MROH2B: variants seen among roughly 807,000 people sequenced by gnomAD.
MROH2B encodes maestro heat like repeat family member 2B.
Under a neutral mutation model 208.6 loss-of-function variants are expected in MROH2B, and 177 were observed. The ratio of observed to expected loss-of-function variants is 0.85; its 90% CI spans 0.75 to 0.96. MROH2B has a LOEUF of 0.96. Ranked by LOEUF, MROH2B falls within the 40% of genes least tolerant of loss-of-function variation. The pLI is 0.00. For missense variants in MROH2B, 2,002 were observed against 1,878.7 expected (o/e 1.07, Z -1.21); for synonymous variants, 728 against 659.0 (o/e 1.10, Z -1.60).
chr5:41,053,342 T>C (rs1387338120), intron 11 of MROH2B, among the ~76,000 whole-genome samples: 1 of 152,222 alleles, frequency 6.6e-6, no homozygotes, highest in Non-Finnish European at 1.5e-5. Context: ...TGGATTTCCA[T>C]TATGGGTTTC....
intron 24 of MROH2B, among the ~76,000 whole-genome samples, chr5:41,020,537 G>A (rs1378533583): frequency 6.6e-6 from 1 of 152,168 alleles, no homozygotes; most frequent in Non-Finnish European, 1.5e-5. Context: ...GTCATATCTT[G>A]TTCATCATTG....
In MROH2B at chr5:41,060,496, C is replaced by A. The variant is rs1030231454; in HGVS notation, c.615+1074G>T. ...TTTTTTTCTCTCTTCCCTTCTCCAT[C>A]TCCCATCACACTCACTCAGGTGTTC... On this transcript the variant is annotated intron_variant, in intron 6 of 41. Coordinates refer to ENST00000399564, the MANE Select transcript of MROH2B (RefSeq NM_173489.5). 6.6e-5 allele frequency among the ~76,000 whole-genome samples: 10 copies of A among 152,182 alleles called. 1 individual carries two copies. The highest frequency in any genetic ancestry group is 2.4e-4 in the African/African-American group (10 of 41,408).
In MROH2B at chr5:41,069,691, C is replaced by T. The variant is rs373311020; in HGVS notation, c.90G>A (p.Lys30=). 1.1e-5 allele frequency: 18 copies of T among 1,600,630 alleles called. No individual in the cohort carries two copies. Among genetic ancestry groups the T allele is most frequent in the Non-Finnish European group, 1.5e-5 (18 of 1,172,182 alleles). ...GMLNKEDIVN[K]EDIYSHLTSV... The stretch of plus-strand genomic sequence containing the variant: ...AAAGATTTTTCTCTGTTTTCCCTAC[C>T]TTGTTAACAATATCTTCCTTGTTCA... The change falls in exon 2 of 42, where the codon AAG becomes AAA. Residue 30 remains lysine (K), a splice_region_variant and synonymous_variant. Transcript: ENST00000399564.
At chr5:41,052,628 T>C in intron 11 of MROH2B, 41 bp from the exon 12 acceptor site, 1 of 1,546,024 alleles carries the variant, frequency 6.5e-7, no homozygotes, top group Non-Finnish European at 8.7e-7. Context: ...TTACTATGTT[T>C]TGCAGAAGGG....
chr5:41,017,385 G>A (rs996826286), intron 28 of MROH2B, among the ~76,000 whole-genome samples: 21 of 152,182 alleles, frequency 1.4e-4, no homozygotes, highest in African/African-American at 4.3e-4. Context: ...TTAGTACCAC[G>A]ATAATAGTGC....
In MROH2B at chr5:41,004,268, G is replaced by A. The variant is rs1309766410; in HGVS notation, c.4194+78C>T. 3.3e-6 allele frequency: 5 copies of A among 1,500,376 alleles called. No homozygotes were observed. The African/African-American group carries it at 4.2e-5, about 13-fold the overall frequency. 92.9% of individuals were successfully genotyped at this position (1,500,376 alleles called of 1,614,324 possible). ...GGAATATGGGTGGGACACTGACAAT[G>A]TCTTCTGTGAGCACTACCTAAACCT... On this transcript the variant is annotated intron_variant, in intron 37 of 41. Transcript: ENST00000399564.
At chr5:41,039,395 AG>A (rs1742871053) in intron 20 of MROH2B, 52 bp downstream of exon 20, 5 of 1,050,426 alleles carry the variant, frequency 4.8e-6, no homozygotes, top group African/African-American at 1.6e-5. Context: ...TGAAGAAATC[AG>A]GGTTGTCTGG....
rs928842708 is a variant in MROH2B at position 41,049,320 on chromosome 5, A to G, written c.1461T>C (p.Ser487=). The change falls in exon 14 of 42, where the codon AGT becomes AGC. Residue 487 remains serine, a synonymous_variant. Coordinates refer to ENST00000399564, the MANE Select transcript of MROH2B (RefSeq NM_173489.5). ...CGACAAGTGCTGTCGACTCCTTGGC[A>G]CTGTGCTGCTTCTTCTCCTCTGCCA... The part of the protein sequence containing the change: ...LIMAEEKKQH[S]AKESTALVVS... 8.7e-6 allele frequency: 14 copies of G among 1,613,546 alleles called. No individual in the cohort carries two copies. The highest frequency in any genetic ancestry group is 1.3e-5 in the African/African-American group (1 of 74,860).
At chr5:41,003,071 C>T (rs1741454542) in intron 37 of MROH2B, among the ~76,000 whole-genome samples, 1 of 151,504 alleles carries the variant, frequency 6.6e-6, no homozygotes, top group African/African-American at 2.4e-5. Flanking sequence ...AGCGATTATC[C>T]TGTCTCAGTC....
intron 6 of MROH2B, among the ~76,000 whole-genome samples, chr5:41,059,601 A>G (rs1180748325): frequency 2.0e-5 from 3 of 152,222 alleles, no homozygotes; most frequent in Non-Finnish European, 4.4e-5. Flanking sequence ...TTCTTCCACC[A>G]CACATTTCCA....
chr5:41,030,122 CA>C (rs906359090), intron 24 of MROH2B, among the ~76,000 whole-genome samples: 5 of 151,404 alleles, frequency 3.3e-5, no homozygotes, highest in African/African-American at 9.7e-5. Flanking sequence ...AACGAAACAC[CA>C]AACAACTTGA....
In MROH2B at chr5:41,016,323, G is replaced by A. The variant is rs372713078; in HGVS notation, c.2885-845C>T. On this transcript the variant is annotated intron_variant, in intron 28 of 41. Transcript: ENST00000399564. ...TGTTTCTTCCATCGGCGAAAATGTC[G>A]ATGTAAATTATAAAGTATGGGCGTT... Among the ~76,000 whole-genome samples, 266 of 152,028 alleles carry A rather than the reference G, an allele frequency of 1.7e-3. 1 individual carries two copies. Among genetic ancestry groups the A allele is most frequent in the Non-Finnish European group, 2.0e-3 (135 of 68,006 alleles).
rs201095602 is a variant in MROH2B at position 41,033,825 on chromosome 5, C to CT, written c.2241+12dup. On this transcript the variant is annotated intron_variant, in intron 22 of 41. Transcript: ENST00000399564. Reference sequence around the variant, plus strand: ...TCTATCTATCTATCTATCTATCTATCTATCTCTCCTACCTTGTTCATCACA... The same window carrying CT: ...TCTATCTATCTATCTATCTATCTATCTTATCTCTCCTACCTTGTTCATCACA... 6.9e-4 allele frequency: 1,008 copies of CT among 1,466,396 alleles called. 13 individuals carry two copies. Among genetic ancestry groups the CT allele is most frequent in the Admixed American group, 3.1e-3 (148 of 47,350 alleles). The allele number at this position is 1,466,396 out of a possible 1,614,324, so 90.8% of individuals were successfully genotyped here. A position where few individuals can be genotyped will look rare whatever the true frequency, so the allele number is the denominator to read the frequency against.
chr5:41,027,307 T>A (rs924401962), intron 24 of MROH2B, among the ~76,000 whole-genome samples: 1 of 152,036 alleles, frequency 6.6e-6, no homozygotes, highest in Non-Finnish European at 1.5e-5. Context: ...AGGGCTAATA[T>A]CCAGAATCTA....
rs1186651769 is a variant in MROH2B, at chr5:41,050,957, G to A, written c.1344+20C>T. On this transcript the variant is annotated intron_variant, in intron 13 of 41. Transcript: ENST00000399564. ...GAAGGTGATCAAAGTAACTGTAAGT[G>A]GTGACAAAAGACCACTTACCTGAGG... 1 of 1,477,962 alleles carries A rather than the reference G, an allele frequency of 6.8e-7. No homozygotes were observed. The highest frequency in any genetic ancestry group is 2.0e-5 in the Admixed American group (1 of 49,506). The allele number at this position is 1,477,962 out of a possible 1,614,324, so 91.6% of individuals were successfully genotyped here.
At chr5:41,050,161 C>CA (rs1743243760) in intron 13 of MROH2B, among the ~76,000 whole-genome samples, 3 of 152,174 alleles carry the variant, frequency 2.0e-5, no homozygotes, top group African/African-American at 7.2e-5. Flanking sequence ...TGCTCTTAGT[C>CA]TACTCATGTG....
At chr5:41,020,905 T>C (rs1446833835) in intron 24 of MROH2B, among the ~76,000 whole-genome samples, 3 of 152,210 alleles carry the variant, frequency 2.0e-5, no homozygotes, top group African/African-American at 7.2e-5. Context: ...ATACCATTTT[T>C]ACAACTTCTA....
At chr5:41,046,868 A>C (rs976241779) in intron 17 of MROH2B, among the ~76,000 whole-genome samples, 3 of 152,150 alleles carry the variant, frequency 2.0e-5, no homozygotes, top group African/African-American at 7.2e-5. Context: ...GAGGACCAGG[A>C]GAGTAGAGCA....
At chr5:41,056,877 G>C (rs746286463) in intron 9 of MROH2B, among the ~76,000 whole-genome samples, 63 of 151,854 alleles carry the variant, frequency 4.1e-4, no homozygotes, top group Non-Finnish European at 7.9e-4. Context: ...TTATCTCCCT[G>C]GACCTATCCC....
Sources: gnomAD v4.1 joint callset for allele counts (sites outside exome capture counted in the v4.1 genomes callset) on GRCh38, gnomAD v4.1.1 for gene constraint, MANE v1.5 for transcripts, NCBI Gene and HGNC (gene_info 2026-07-23, HGNC 2026-07-21) for gene names.